The following CTNNA3 variants were observed in gnomAD, a reference collection of about 807,000 sequenced individuals.
CTNNA3 encodes catenin alpha-3.
In CTNNA3, 76 loss-of-function variants were observed where a neutral mutation model predicts 95.7. The ratio of observed to expected loss-of-function variants is 0.79; its 90% CI spans 0.66 to 0.96. CTNNA3 has a LOEUF of 0.96. CTNNA3 is among the 40% of genes least tolerant of loss of function. The probability of loss-of-function intolerance (pLI) is 0.00; values close to 1 mark genes in which losing one functional copy is unlikely to be tolerated. For synonymous variants in CTNNA3, 431 were observed against 374.4 expected (o/e 1.15, Z -1.74); for missense variants, 1,191 against 1,089.8 (o/e 1.09, Z -1.31).
chr10:67,205,488 T>C (rs941087538), intron 6 of CTNNA3, among the ~76,000 whole-genome samples: 3 of 152,170 alleles, frequency 2.0e-5, no homozygotes, highest in African/African-American at 7.2e-5. Flanking sequence ...TTTAGATAAC[T>C]GTGAAAAGTC....
intron 7 of CTNNA3, among the ~76,000 whole-genome samples, chr10:66,776,467 G>T (rs1840305400): frequency 6.6e-6 from 1 of 152,142 alleles, no homozygotes; most frequent in Non-Finnish European, 1.5e-5. Flanking sequence ...AAGCATGTCT[G>T]ACACTTTCCC....
intron 7 of CTNNA3, among the ~76,000 whole-genome samples, chr10:66,885,180 C>A (rs1452929396): frequency 1.3e-5 from 2 of 152,094 alleles, no homozygotes; most frequent in South Asian, 2.1e-4. Context: ...AAGTCAAAAT[C>A]ATTTGCAGCA....
chr10:66,973,497 A>G (rs988394078), intron 7 of CTNNA3, among the ~76,000 whole-genome samples: 1 of 152,222 alleles, frequency 6.6e-6, no homozygotes, highest in Admixed American at 6.5e-5. Context: ...GCAATTCTAT[A>G]TAGAAGACTT....
intron 10 of CTNNA3, among the ~76,000 whole-genome samples, chr10:66,569,224 G>A (rs900447925): frequency 6.6e-6 from 1 of 152,048 alleles, no homozygotes; most frequent in Non-Finnish European, 1.5e-5. Flanking sequence ...AGGGACAAAT[G>A]GAAAATATTC....
chr10:66,027,352 A>T (rs1021610424), intron 15 of CTNNA3, among the ~76,000 whole-genome samples: 1 of 152,200 alleles, frequency 6.6e-6, no homozygotes, highest in Non-Finnish European at 1.5e-5. Flanking sequence ...CATATTTAAC[A>T]ATTAGTCTTA....
chr10:67,211,281 AC>A (rs1347740229), intron 6 of CTNNA3, among the ~76,000 whole-genome samples: 1 of 151,920 alleles, frequency 6.6e-6, no homozygotes, highest in East Asian at 1.9e-4. Flanking sequence ...AAAAAAAAAA[AC>A]ATTACTATAA....
At chr10:66,542,965 G>T (rs1397944663) in intron 10 of CTNNA3, among the ~76,000 whole-genome samples, 5 of 151,968 alleles carry the variant, frequency 3.3e-5, no homozygotes, top group Non-Finnish European at 7.4e-5. Flanking sequence ...TTTTAGAAAT[G>T]TATTCTAATG....
Position 66,393,424 on chromosome 10 carries a change from C to A in CTNNA3, c.1532-14072G>T, listed in dbSNP as rs192444954. ...ATCAATAGTAACAATAAAGGATGTT[C>A]TTCAAACATTCTACATTCAGTGTCA... On this transcript the variant is annotated intron_variant, in intron 11 of 17. Transcript: ENST00000433211. Among the ~76,000 whole-genome samples, 21 of 152,152 alleles carry A rather than the reference C, an allele frequency of 1.4e-4. No homozygotes were observed. In the East Asian group the frequency reaches 3.1e-3, roughly 22 times the overall value.
At chr10:67,209,671 A>G (rs2132236439) in intron 6 of CTNNA3, among the ~76,000 whole-genome samples, 1 of 152,274 alleles carries the variant, frequency 6.6e-6, no homozygotes, top group African/African-American at 2.4e-5. Context: ...AAATTCAGTA[A>G]AACTAGAAAT....
At chr10:67,501,512 C>T (rs1839232460) in intron 5 of CTNNA3, among the ~76,000 whole-genome samples, 1 of 152,156 alleles carries the variant, frequency 6.6e-6, no homozygotes. Context: ...GTTGGCCTGT[C>T]TTGCTAGGTT....
At chr10:66,220,641 TA>T in intron 13 of CTNNA3, among the ~76,000 whole-genome samples, 1 of 152,104 alleles carries the variant, frequency 6.6e-6, no homozygotes, top group Non-Finnish European at 1.5e-5. Context: ...TTGAAGACGG[TA>T]AATGTGGGGG....
In CTNNA3 at chr10:66,429,043, T is replaced by A. The variant is rs570636263; in HGVS notation, c.1532-49691A>T. On this transcript the variant is annotated intron_variant, in intron 11 of 17. Coordinates refer to ENST00000433211, the MANE Select transcript of CTNNA3 (RefSeq NM_013266.4). ...AAGAAGAAAAGAGAGAAGAATCAAA[T>A]AGATGCAATAAAAAATGATAAAGGG... Among the ~76,000 whole-genome samples, 4 of 151,756 alleles carry A rather than the reference T, an allele frequency of 2.6e-5. No homozygotes were observed. The South Asian group carries it at 8.4e-4, about 32-fold the overall frequency.
intron 5 of CTNNA3, among the ~76,000 whole-genome samples, chr10:67,387,592 C>A (rs994756554): frequency 2.0e-5 from 3 of 152,206 alleles, no homozygotes; most frequent in African/African-American, 7.2e-5. Flanking sequence ...TCTGTAGGCT[C>A]CACCTCTGGG....
At chr10:67,228,930 A>G (rs1462454626) in intron 5 of CTNNA3, among the ~76,000 whole-genome samples, 1 of 152,188 alleles carries the variant, frequency 6.6e-6, no homozygotes, top group Non-Finnish European at 1.5e-5. Context: ...ACTATTCCAC[A>G]AGATAGAGAA....
chr10:66,763,450 T>C (rs1203319521), intron 9 of CTNNA3, among the ~76,000 whole-genome samples: 1 of 141,126 alleles, frequency 7.1e-6, no homozygotes, highest in Non-Finnish European at 1.5e-5. Context: ...GTTATAGGAA[T>C]CTATAAGTCT....
intron 7 of CTNNA3, among the ~76,000 whole-genome samples, chr10:66,897,595 A>C (rs1430544154): frequency 1.3e-5 from 2 of 152,168 alleles, no homozygotes; most frequent in African/African-American, 4.8e-5. Context: ...TTTTCTAAGG[A>C]CAATGAAAAA....
At chr10:66,945,837 C>A (rs138251929) in intron 7 of CTNNA3, among the ~76,000 whole-genome samples, 2 of 151,970 alleles carry the variant, frequency 1.3e-5, no homozygotes, top group African/African-American at 4.8e-5. Flanking sequence ...TAGGGAGGCC[C>A]ACAGTAAGGG....
chr10:66,839,389 T>C (rs1842975098), intron 7 of CTNNA3, among the ~76,000 whole-genome samples: 1 of 152,116 alleles, frequency 6.6e-6, no homozygotes, highest in South Asian at 2.1e-4. Flanking sequence ...AAAATTCTAG[T>C]TCTTAGCTGA....
intron 7 of CTNNA3, among the ~76,000 whole-genome samples, chr10:66,966,853 A>G (rs754466380): frequency 8.5e-5 from 13 of 152,120 alleles, no homozygotes; most frequent in Non-Finnish European, 1.6e-4. Flanking sequence ...ACATAGAACT[A>G]TAGCTTATTT....
Sources: gnomAD v4.1 joint callset for allele counts (sites outside exome capture counted in the v4.1 genomes callset) on GRCh38, gnomAD v4.1.1 for gene constraint, MANE v1.5 for transcripts, NCBI Gene and HGNC (gene_info 2026-07-23, HGNC 2026-07-21) for gene names.